The following AUTS2 variants were observed in gnomAD, a reference collection of about 807,000 sequenced individuals.
The protein encoded by AUTS2 is autism susceptibility gene 2 protein.
A neutral mutation model predicts 112.4 loss-of-function variants in AUTS2; 17 were observed. The ratio of observed to expected loss-of-function variants is 0.15; its 90% CI spans 0.10 to 0.23. AUTS2 has a LOEUF of 0.23. AUTS2 is among the 10% of genes least tolerant of loss of function. The pLI is 1.00. For missense variants in AUTS2, 1,510 were observed against 1,701.6 expected, an observed-to-expected ratio of 0.89 and a Z score of 1.98; for synonymous variants, 751 against 702.7, an observed-to-expected ratio of 1.07 and a Z score of -1.09.
intron 5 of AUTS2, among the ~76,000 whole-genome samples, chr7:70,528,110 T>A (rs1003039479): frequency 6.0e-4 from 90 of 149,790 alleles, no homozygotes; most frequent in African/African-American, 1.8e-3. Flanking sequence ...TTTTTTTTTT[T>A]TTTTTTTTTA....
At chr7:70,645,522 C>A (rs1806110176) in intron 5 of AUTS2, among the ~76,000 whole-genome samples, 1 of 152,092 alleles carries the variant, frequency 6.6e-6, no homozygotes, top group Non-Finnish European at 1.5e-5. Context: ...GGAACCGTTT[C>A]ACATTTTCCA....
chr7:70,584,676 A>C (rs1275820873), intron 5 of AUTS2, among the ~76,000 whole-genome samples: 2 of 152,274 alleles, frequency 1.3e-5, no homozygotes, highest in Non-Finnish European at 2.9e-5. Context: ...CGCCATGCTT[A>C]GTGCAGCCCC....
intron 1 of AUTS2, among the ~76,000 whole-genome samples, chr7:69,888,622 C>T (rs1036950124): frequency 1.3e-5 from 2 of 150,046 alleles, no homozygotes; most frequent in African/African-American, 4.9e-5. Flanking sequence ...CACTCTGTCA[C>T]CCAGGCTGGA....
chr7:70,382,311 T>C (rs1031228204), intron 4 of AUTS2, among the ~76,000 whole-genome samples: 1 of 152,166 alleles, frequency 6.6e-6, no homozygotes, highest in Non-Finnish European at 1.5e-5. Context: ...TAATGTCCAG[T>C]AGCTTTCTAA....
At chr7:69,613,788 G>A (rs1027258646) in intron 1 of AUTS2, among the ~76,000 whole-genome samples, 1 of 152,152 alleles carries the variant, frequency 6.6e-6, no homozygotes, top group East Asian at 1.9e-4. Flanking sequence ...AGGGCTAGGT[G>A]TATTTTTTTA....
In AUTS2 at chr7:70,714,764, G is replaced by A. The variant is rs141953759; in HGVS notation, c.742+16144G>A. The stretch of plus-strand genomic sequence containing the variant: ...TATTTCCTGTAAATGGAAGTTGGCC[G>A]TAAAGCTTTGATTAGATTCAGGTTA... On this transcript the variant is annotated intron_variant, in intron 6 of 18. Coordinates refer to ENST00000342771, the MANE Select transcript of AUTS2 (RefSeq NM_015570.4). 5.3e-5 allele frequency among the ~76,000 whole-genome samples: 8 copies of A among 152,276 alleles called. No homozygotes were observed. The East Asian group carries it at 1.4e-3, about 26-fold the overall frequency.
intron 5 of AUTS2, among the ~76,000 whole-genome samples, chr7:70,659,100 C>G (rs1211276945): frequency 4.6e-5 from 7 of 152,090 alleles, no homozygotes; most frequent in Admixed American, 6.5e-5. Context: ...ACATACTTAG[C>G]TTTCTTTGGG....
chr7:70,195,282 C>T (rs967204567), intron 4 of AUTS2, among the ~76,000 whole-genome samples: 4 of 152,114 alleles, frequency 2.6e-5, no homozygotes, highest in Admixed American at 2.0e-4. Context: ...GATATGACAC[C>T]TACCCCTGGA....
chr7:69,702,469 G>A (rs1797861097), intron 1 of AUTS2, among the ~76,000 whole-genome samples: 1 of 152,118 alleles, frequency 6.6e-6, no homozygotes, highest in African/African-American at 2.4e-5. Context: ...TGAAATCCAG[G>A]ATACTTAGTA....
At chr7:70,284,634 C>A (rs1408715763) in intron 4 of AUTS2, among the ~76,000 whole-genome samples, 1 of 152,190 alleles carries the variant, frequency 6.6e-6, no homozygotes, top group Admixed American at 6.5e-5. Flanking sequence ...ATAGAAAGCA[C>A]AGCAGGTCAG....
At chr7:70,700,276 G>A (rs1319314900) in intron 6 of AUTS2, among the ~76,000 whole-genome samples, 1 of 152,038 alleles carries the variant, frequency 6.6e-6, no homozygotes, top group African/African-American at 2.4e-5. Context: ...CCTTTCTTCT[G>A]AGCTGCTTTT....
chr7:70,712,964 C>T (rs1265909560), intron 6 of AUTS2, among the ~76,000 whole-genome samples: 11 of 152,140 alleles, frequency 7.2e-5, no homozygotes, highest in African/African-American at 9.7e-5. Context: ...TCAAAGTGCC[C>T]CTGCACCTAC....
At chr7:70,781,347 T>C (rs1585681446) in intron 14 of AUTS2, 1 of 259,924 alleles carries the variant, frequency 3.8e-6, no homozygotes, top group South Asian at 6.2e-5. Context: ...GAAAGCAGAG[T>C]GAGGGAGACT....
chr7:70,747,013 A>G (rs1441743432), intron 6 of AUTS2, among the ~76,000 whole-genome samples: 1 of 152,144 alleles, frequency 6.6e-6, no homozygotes, highest in African/African-American at 2.4e-5. Context: ...CTGAGCTTAG[A>G]TGATGGGGAC....
chr7:70,194,764 G>T (rs1258931661), intron 4 of AUTS2: 2 of 152,294 alleles, frequency 1.3e-5, no homozygotes, highest in Middle Eastern at 3.4e-3. Flanking sequence ...GATGACTTAT[G>T]GAATCTGAAG....
chr7:69,768,040 A>C (rs1788504166), intron 1 of AUTS2, among the ~76,000 whole-genome samples: 1 of 152,096 alleles, frequency 6.6e-6, no homozygotes, highest in Admixed American at 6.5e-5. Context: ...TGCAAGTGCT[A>C]TTTTTTAGTC....
At chr7:69,740,591 T>C (rs947167935) in intron 1 of AUTS2, among the ~76,000 whole-genome samples, 2 of 152,126 alleles carry the variant, frequency 1.3e-5, no homozygotes, top group Non-Finnish European at 2.9e-5. Flanking sequence ...TGGTGTGATC[T>C]TGGCTCACTG....
At chr7:70,138,213 T>C (rs1806673839) in intron 4 of AUTS2, among the ~76,000 whole-genome samples, 1 of 152,228 alleles carries the variant, frequency 6.6e-6, no homozygotes, top group African/African-American at 2.4e-5. Flanking sequence ...TTGTATCACA[T>C]TTGCTCCTTT....
rs749032925 is a variant in AUTS2, at chr7:70,774,104, G to A, written c.1902+5G>A. 1.1e-4 allele frequency: 173 copies of A among 1,614,032 alleles called. No homozygotes were observed. The highest frequency in any genetic ancestry group is 1.4e-4 in the Non-Finnish European group (164 of 1,179,988). On this transcript the variant is annotated splice_donor_5th_base_variant and intron_variant, in intron 12 of 18. Transcript: ENST00000342771. ...TTACTCCAAAAGGACCCGAGGGTAC[G>A]TGCAAAGTCAGGCTTGGTCTCAGGT...
Sources: allele counts gnomAD v4.1 joint callset (sites outside exome capture counted in the v4.1 genomes callset), GRCh38; gene constraint gnomAD v4.1.1; transcripts MANE v1.5; gene names NCBI Gene and HGNC (gene_info 2026-07-23, HGNC 2026-07-21).